NPAS3: variants seen among roughly 807,000 people sequenced by gnomAD.
NPAS3 encodes the protein neuronal PAS domain-containing protein 3.
NPAS3 carries 14 observed loss-of-function variants against 73.1 expected under a neutral mutation model. That is an observed-to-expected ratio of 0.19 (90% CI 0.13 to 0.30). NPAS3 has a LOEUF of 0.30. Among genes scored for constraint, NPAS3 ranks in the 10% least tolerant of loss-of-function variants. The pLI, the probability that NPAS3 is intolerant of heterozygous loss-of-function variation, is 1.00. For synonymous variants in NPAS3, 620 were observed against 541.5 expected (o/e 1.14, Z -2.01); for missense variants, 1,096 against 1,250.0 (o/e 0.88, Z 1.86).
intron 5 of NPAS3, among the ~76,000 whole-genome samples, chr14:33,619,491 G>C (rs2058019393): frequency 6.6e-6 from 1 of 152,086 alleles, no homozygotes. Flanking sequence ...ATGCACTTTA[G>C]CACTATAAAG....
intron 2 of NPAS3, among the ~76,000 whole-genome samples, chr14:33,170,328 T>C (rs1246844886): frequency 6.6e-6 from 1 of 152,198 alleles, no homozygotes; most frequent in Non-Finnish European, 1.5e-5. Flanking sequence ...TCTAAAAACA[T>C]GTGAACAATC....
intron 3 of NPAS3, among the ~76,000 whole-genome samples, chr14:33,252,725 A>G (rs1356523013): frequency 6.6e-6 from 1 of 151,606 alleles, no homozygotes; most frequent in Non-Finnish European, 1.5e-5. Flanking sequence ...TTGGGCTTCT[A>G]GTGTACCCAT....
At chr14:33,429,789 G>C (rs963259362) in intron 4 of NPAS3, among the ~76,000 whole-genome samples, 1 of 152,128 alleles carries the variant, frequency 6.6e-6, no homozygotes, top group Non-Finnish European at 1.5e-5. Flanking sequence ...TGGATGTTAT[G>C]ATGATATGTG....
intron 9 of NPAS3, among the ~76,000 whole-genome samples, chr14:33,788,509 G>C (rs1245010976): frequency 6.6e-6 from 1 of 152,174 alleles, no homozygotes; most frequent in Non-Finnish European, 1.5e-5. Context: ...GACCGCTTTT[G>C]ATATGTGTTC....
chr14:33,421,224 T>C (rs997534363), intron 4 of NPAS3, among the ~76,000 whole-genome samples: 20 of 148,514 alleles, frequency 1.3e-4, no homozygotes, highest in African/African-American at 4.7e-4. Context: ...TGACTTATCA[T>C]TGTTGTCTTT....
At chr14:33,211,135 C>T (rs551552143) in intron 2 of NPAS3, among the ~76,000 whole-genome samples, 1 of 152,150 alleles carries the variant, frequency 6.6e-6, no homozygotes, top group Admixed American at 6.6e-5. Context: ...ATTCTAACGA[C>T]AACTTTATAA....
intron 4 of NPAS3, among the ~76,000 whole-genome samples, chr14:33,373,815 C>A (rs2046201149): frequency 6.6e-6 from 1 of 152,078 alleles, no homozygotes; most frequent in African/African-American, 2.4e-5. Flanking sequence ...ATTCCATGAG[C>A]ATACTCTCTG....
At chr14:33,718,920 G>A (rs11621252) in intron 6 of NPAS3, among the ~76,000 whole-genome samples, 3,738 of 152,164 alleles carry the variant, frequency 0.025, 70 homozygotes, top group Middle Eastern at 0.058. Context: ...GAGCCCAGGA[G>A]TTCAAGACCA....
chr14:33,738,575 C>G (rs1317620975), intron 7 of NPAS3, among the ~76,000 whole-genome samples: 3 of 152,122 alleles, frequency 2.0e-5, no homozygotes, highest in Non-Finnish European at 4.4e-5. Flanking sequence ...AAGGAAATAC[C>G]AACCTGCATC....
chr14:33,012,612 G>A lies in NPAS3; in HGVS notation c.51-43293G>A, dbSNP rs529578033. On this transcript the variant is annotated intron_variant, in intron 1 of 11. Transcript: ENST00000356141. ...CGCCTGGGCTGGAGTACAGTGGCGC[G>A]ATCTCGGCTCACTGCAACCTCCGCC... Among the ~76,000 whole-genome samples the A allele has an allele frequency of 2.0e-5, 3 of 151,216 alleles. No homozygotes were observed. The South Asian group carries it at 6.3e-4, about 32-fold the overall frequency.
intron 2 of NPAS3, among the ~76,000 whole-genome samples, chr14:33,138,292 G>A (rs1463766669): frequency 2.0e-5 from 3 of 149,234 alleles, no homozygotes; most frequent in African/African-American, 7.4e-5. Flanking sequence ...ATATCTTCAG[G>A]GTTTTGGTAA....
intron 1 of NPAS3, among the ~76,000 whole-genome samples, chr14:32,976,178 A>G (rs1056239285): frequency 2.6e-5 from 4 of 151,998 alleles, no homozygotes; most frequent in African/African-American, 9.6e-5. Flanking sequence ...GTTGCAGGTG[A>G]CCCCTGGACT....
intron 5 of NPAS3, among the ~76,000 whole-genome samples, chr14:33,666,813 C>CTAAT (rs2059463819): frequency 6.6e-6 from 1 of 152,152 alleles, no homozygotes; most frequent in African/African-American, 2.4e-5. Context: ...ACATGATTGA[C>CTAAT]TAATTAAATG....
intron 4 of NPAS3, among the ~76,000 whole-genome samples, chr14:33,544,818 A>ATG (rs1566989776): frequency 9.7e-6 from 1 of 103,516 alleles, no homozygotes; most frequent in African/African-American, 5.3e-5. Context: ...ATATGTATAT[A>ATG]TAATATATAT....
intron 2 of NPAS3, among the ~76,000 whole-genome samples, chr14:33,152,167 C>T (rs1318527851): frequency 6.6e-6 from 1 of 151,922 alleles, no homozygotes; most frequent in Non-Finnish European, 1.5e-5. Flanking sequence ...GCAGGAAAGC[C>T]CCTGCAACAA....
chr14:33,119,034 G>T (rs1165373553), intron 2 of NPAS3, among the ~76,000 whole-genome samples: 1 of 151,888 alleles, frequency 6.6e-6, no homozygotes, highest in African/African-American at 2.4e-5. Flanking sequence ...AGAACAAAAA[G>T]AACATTTTTT....
chr14:33,591,913 T>C (rs930996426), intron 5 of NPAS3, among the ~76,000 whole-genome samples: 1 of 152,278 alleles, frequency 6.6e-6, no homozygotes. Context: ...AAAGAAACCA[T>C]GTGCATCTTG....
chr14:33,435,614 T>C (rs143507083), intron 4 of NPAS3, among the ~76,000 whole-genome samples: 22 of 152,356 alleles, frequency 1.4e-4, no homozygotes, highest in Non-Finnish European at 2.9e-4. Flanking sequence ...GATCAGATAT[T>C]GGCTAATACA....
At chr14:33,200,700 C>T (rs1223133111) in intron 2 of NPAS3, among the ~76,000 whole-genome samples, 2 of 152,108 alleles carry the variant, frequency 1.3e-5, no homozygotes, top group African/African-American at 4.8e-5. Flanking sequence ...GGATTTTTGG[C>T]TTCTTTCTGA....
Sources: gnomAD v4.1 joint callset for allele counts (sites outside exome capture counted in the v4.1 genomes callset) on GRCh38, gnomAD v4.1.1 for gene constraint, MANE v1.5 for transcripts, NCBI Gene and HGNC (gene_info 2026-07-23, HGNC 2026-07-21) for gene names.